The following FAM168B variants were observed in gnomAD, a reference collection of about 807,000 sequenced individuals.
FAM168B encodes family with sequence similarity 168 member B.
Under a neutral mutation model 21.8 loss-of-function variants are expected in FAM168B, and 19 were observed. The observed-to-expected ratio is 0.87, with a 90% confidence interval of 0.61 to 1.28. The LOEUF is 1.28. Among genes scored for constraint, FAM168B ranks in the 50% most tolerant of loss-of-function variants. FAM168B has a pLI of 0.00. For missense variants in FAM168B, 233 were observed against 263.1 expected (o/e 0.89, Z 0.79); for synonymous variants, 126 against 104.8 (o/e 1.20, Z -1.24).
chr2:131,051,947 CA>C lies in FAM168B; in HGVS notation c.*517del. Reference sequence around the variant, plus strand: ...ATGTCCACATCCCTAACTGGCAACCCACATCAACCCCAAAAGGTTGAAGAAT... The same window carrying C: ...ATGTCCACATCCCTAACTGGCAACCCCATCAACCCCAAAAGGTTGAAGAAT... On this transcript the variant is annotated 3_prime_UTR_variant, in exon 7 of 7. Transcript: ENST00000389915. 2.0e-6 allele frequency: 2 copies of C among 985,530 alleles called. No individual in the cohort carries two copies. The highest frequency in any genetic ancestry group is 5.2e-4 in the Middle Eastern group (1 of 1,914). 61.0% of individuals were successfully genotyped at this position (985,530 alleles called of 1,614,324 possible).
chr2:131,069,802 A>G (rs1335332554), intron 3 of FAM168B, among the ~76,000 whole-genome samples: 1 of 150,862 alleles, frequency 6.6e-6, no homozygotes, highest in African/African-American at 2.4e-5. Context: ...CAAGTTACAC[A>G]GGTTTATTAA....
rs1691958588 is a variant in FAM168B at position 131,055,404 on chromosome 2, C to T, written c.343G>A (p.Val115Ile). 2 of 1,608,020 alleles carry T rather than the reference C, an allele frequency of 1.2e-6. No homozygotes were observed. Among genetic ancestry groups the T allele is most frequent in the East Asian group, 2.2e-5 (1 of 44,564 alleles). ...TQPLYAAPPH[V>I]IHHTTVVQPN... ...TGCACCACCGTGGTGTGGTGGATGA[C>T]GTGAGGAGGTGCTGCATACAGCGGC... The change falls in exon 5 of 7, where the codon GTC becomes ATC. Residue 115 changes from valine to isoleucine, a missense_variant. Coordinates refer to ENST00000389915, the MANE Select transcript of FAM168B (RefSeq NM_001009993.4).
In FAM168B at chr2:131,071,984, G is replaced by C. The variant is rs187664008; in HGVS notation, c.71-46C>G. On this transcript the variant is annotated intron_variant, in intron 2 of 6. Coordinates refer to ENST00000389915, the MANE Select transcript of FAM168B (RefSeq NM_001009993.4). ...ATCTCATGTCATCAACTGAAGTAGCGACAATCACTAGAGCTCCTGCAAAGC... is the reference window on the plus strand; with the variant it reads ...ATCTCATGTCATCAACTGAAGTAGCCACAATCACTAGAGCTCCTGCAAAGC... 3 of 1,497,410 alleles carry C rather than the reference G, an allele frequency of 2.0e-6. No homozygotes were observed. In the African/African-American group the frequency reaches 4.4e-5, roughly 22 times the overall value. The allele number at this position is 1,497,410 out of a possible 1,614,324, so 92.8% of individuals were successfully genotyped here.
chr2:131,057,677 T>C (rs1692094067), intron 3 of FAM168B, among the ~76,000 whole-genome samples: 1 of 152,146 alleles, frequency 6.6e-6, no homozygotes, highest in Non-Finnish European at 1.5e-5. Flanking sequence ...GAGCCGGAGG[T>C]CAACGCTGCA....
At chr2:131,060,574 G>T (rs1206513172) in intron 3 of FAM168B, among the ~76,000 whole-genome samples, 1 of 152,138 alleles carries the variant, frequency 6.6e-6, no homozygotes, top group African/African-American at 2.4e-5. Flanking sequence ...AAACTTAGGG[G>T]GTAACTGGGC....
rs1691377757 is a variant in FAM168B, at chr2:131,047,881, C to A, written c.*4584G>T. On this transcript the variant is annotated 3_prime_UTR_variant, in exon 7 of 7. Transcript: ENST00000389915. ...AAATCATGAAAACCACAATATGCAA[C>A]ACAAGTCAATCTTTATTGAAAACTG... The A allele has an allele frequency of 6.1e-6, 1 of 164,884 alleles. No individual in the cohort carries two copies. The highest frequency in any genetic ancestry group is 6.4e-5 in the Admixed American group (1 of 15,618). 10.2% of individuals were successfully genotyped at this position (164,884 alleles called of 1,614,324 possible).
intron 2 of FAM168B, among the ~76,000 whole-genome samples, chr2:131,082,091 C>T (rs1693456623): frequency 6.6e-6 from 1 of 152,204 alleles, no homozygotes; most frequent in African/African-American, 2.4e-5. Flanking sequence ...GACTAGCTGA[C>T]TCCACTAAAG....
intron 5 of FAM168B, 106 bp from the exon 6 acceptor site, chr2:131,053,121 G>T (rs540168897): frequency 5.0e-6 from 7 of 1,404,238 alleles, no homozygotes; most frequent in Non-Finnish European, 6.5e-6. Flanking sequence ...GGGTATACAG[G>T]AAGAGGGATA....
At position 131,048,626 on chromosome 2, in the gene FAM168B, G is replaced by T; in HGVS notation, c.*3839C>A. 1 of 1,078,026 alleles carries T rather than the reference G, an allele frequency of 9.3e-7. No individual in the cohort carries two copies. The highest frequency in any genetic ancestry group is 1.1e-6 in the Non-Finnish European group (1 of 882,470). The allele number at this position is 1,078,026 out of a possible 1,614,324, so 66.8% of individuals were successfully genotyped here. ...TTACTTGGTCAGTTGAGCCCCTGGAGCCCTCAGGACCTACTGATAAAGCAT... is the reference window on the plus strand; with the variant it reads ...TTACTTGGTCAGTTGAGCCCCTGGATCCCTCAGGACCTACTGATAAAGCAT... On this transcript the variant is annotated 3_prime_UTR_variant, in exon 7 of 7. Transcript: ENST00000389915.
At chr2:131,061,858 T>C (rs1692315650) in intron 3 of FAM168B, among the ~76,000 whole-genome samples, 1 of 151,640 alleles carries the variant, frequency 6.6e-6, no homozygotes, top group Non-Finnish European at 1.5e-5. Context: ...CAGGAAGGAT[T>C]CTATAGCAGT....
intron 5 of FAM168B, 62 bp downstream of exon 5, chr2:131,055,210 C>T: frequency 1.4e-6 from 2 of 1,398,132 alleles, no homozygotes; most frequent in Non-Finnish European, 1.9e-6. Flanking sequence ...GATTCGTGAG[C>T]TCTCCCCTCC....
intron 3 of FAM168B, among the ~76,000 whole-genome samples, chr2:131,067,399 G>A (rs1248979081): frequency 1.3e-5 from 2 of 152,156 alleles, no homozygotes; most frequent in African/African-American, 4.8e-5. Flanking sequence ...CATATACAGC[G>A]TTGAAACCAC....
In FAM168B at chr2:131,052,153, T is replaced by G. The variant is rs533396931; in HGVS notation, c.*312A>C. On this transcript the variant is annotated 3_prime_UTR_variant, in exon 7 of 7. Transcript: ENST00000389915. ...CTGCAGGTAGATTGAGCAAGCTTTT[T>G]GTGTTTGTTTTTTTAAACATGCATT... 4 of 985,830 alleles carry G rather than the reference T, an allele frequency of 4.1e-6. No homozygotes were observed. Among genetic ancestry groups the G allele is most frequent in the South Asian group, 9.4e-5 (2 of 21,290 alleles). The allele number at this position is 985,830 out of a possible 1,614,324, so 61.1% of individuals were successfully genotyped here. A position where few individuals can be genotyped will look rare whatever the true frequency, so the allele number is the denominator to read the frequency against.
At position 131,050,826 on chromosome 2, in the gene FAM168B, C is replaced by G. The variant is rs145937400; in HGVS notation, c.*1639G>C. On this transcript the variant is annotated 3_prime_UTR_variant, in exon 7 of 7. Coordinates refer to ENST00000389915, the MANE Select transcript of FAM168B (RefSeq NM_001009993.4). ...GAAGAGGAGCAGAGCCCCCTCCCCA[C>G]CAGAGCCCACAGCACTCAAACCACC... 2.9e-4 allele frequency: 282 copies of G among 985,394 alleles called. 3 individuals carry two copies. In the African/African-American group the frequency reaches 4.5e-3, roughly 16 times the overall value. The allele number at this position is 985,394 out of a possible 1,614,324, so 61.0% of individuals were successfully genotyped here.
intron 1 of FAM168B, among the ~76,000 whole-genome samples, chr2:131,091,818 C>T (rs754820376): frequency 1.4e-4 from 21 of 151,746 alleles, no homozygotes; most frequent in Admixed American, 6.6e-5. Flanking sequence ...CTCTATTACG[C>T]TGGTGTACTG....
In FAM168B at chr2:131,050,718, T is replaced by C. The variant is rs867809259; in HGVS notation, c.*1747A>G. On this transcript the variant is annotated 3_prime_UTR_variant, in exon 7 of 7. Transcript: ENST00000389915. ...GGTTACCAAAGGCTCAGTGGTCAGGTGTCCCCCCACCAACCAACTGGGGCA... is the reference window on the plus strand; with the variant it reads ...GGTTACCAAAGGCTCAGTGGTCAGGCGTCCCCCCACCAACCAACTGGGGCA... 2.0e-6 allele frequency: 2 copies of C among 985,278 alleles called. No homozygotes were observed. The highest frequency in any genetic ancestry group is 2.4e-6 in the Non-Finnish European group (2 of 829,942). 61.0% of individuals were successfully genotyped at this position (985,278 alleles called of 1,614,324 possible). A position where few individuals can be genotyped will look rare whatever the true frequency, so the allele number is the denominator to read the frequency against.
At chr2:131,078,651 G>A (rs1008043349) in intron 2 of FAM168B, among the ~76,000 whole-genome samples, 3 of 152,238 alleles carry the variant, frequency 2.0e-5, no homozygotes, top group Middle Eastern at 3.4e-3. Flanking sequence ...CAAGGTACAC[G>A]GGTTGGGGGA....
At chr2:131,065,832 C>G (rs1692528169) in intron 3 of FAM168B, among the ~76,000 whole-genome samples, 1 of 150,392 alleles carries the variant, frequency 6.6e-6, no homozygotes, top group African/African-American at 2.4e-5. Flanking sequence ...GAAAAGAAAG[C>G]TCTACTGTAA....
In FAM168B at chr2:131,049,952, T is replaced by C. The variant is rs1691547688; in HGVS notation, c.*2513A>G. ...TATTTCCTAAGTCCAGATTCTTACC[T>C]GATATCTACCTTTCGTATCTGACAG... On this transcript the variant is annotated 3_prime_UTR_variant, in exon 7 of 7. Coordinates refer to ENST00000389915, the MANE Select transcript of FAM168B (RefSeq NM_001009993.4). 5.1e-6 allele frequency: 5 copies of C among 985,398 alleles called. No homozygotes were observed. The East Asian group carries it at 5.7e-4, about 112-fold the overall frequency. The allele number at this position is 985,398 out of a possible 1,614,324, so 61.0% of individuals were successfully genotyped here.
Sources: gnomAD v4.1 joint callset for allele counts (sites outside exome capture counted in the v4.1 genomes callset) on GRCh38, gnomAD v4.1.1 for gene constraint, MANE v1.5 for transcripts, NCBI Gene and HGNC (gene_info 2026-07-23, HGNC 2026-07-21) for gene names.